SLC1A1: variants seen among roughly 807,000 people sequenced by gnomAD.
SLC1A1 encodes excitatory amino acid transporter 3.
A neutral mutation model predicts 53.3 loss-of-function variants in SLC1A1; 43 were observed. The ratio of observed to expected loss-of-function variants is 0.81; its 90% CI spans 0.63 to 1.04. The LOEUF (loss-of-function observed/expected upper bound fraction) is 1.04. SLC1A1 is among the 50% of genes least tolerant of loss of function. The probability of loss-of-function intolerance (pLI) is 0.00; values close to 1 mark genes in which losing one functional copy is unlikely to be tolerated. For synonymous variants in SLC1A1, 307 were observed against 243.2 expected, an observed-to-expected ratio of 1.26 and a Z score of -2.44; for missense variants, 748 against 664.9, an observed-to-expected ratio of 1.12 and a Z score of -1.37.
chr9:4,566,149 G>GT (rs998543663), intron 5 of SLC1A1, 60 bp downstream of exon 5: 127 of 1,444,352 alleles, frequency 8.8e-5, no homozygotes, highest in Non-Finnish European at 1.2e-4. Context: ...AATTAAAAAT[G>GT]TTTTTTTCTG....
At chr9:4,562,065 CTTTTTT>C (rs745615028) in intron 3 of SLC1A1, among the ~76,000 whole-genome samples, 39 of 94,280 alleles carry the variant, frequency 4.1e-4, no homozygotes, top group African/African-American at 1.3e-3. Context: ...GCCCTAACTA[CTTTTTT>C]TTTTTTTTTT....
intron 1 of SLC1A1, among the ~76,000 whole-genome samples, chr9:4,504,306 G>A (rs1379576707): frequency 3.9e-5 from 6 of 152,112 alleles, no homozygotes; most frequent in African/African-American, 1.4e-4. Context: ...TTTATTTCTG[G>A]ATTTTCCCCC....
rs142226429 is a variant in SLC1A1 at position 4,544,348 on chromosome 9, T to C, written c.92-219T>C. 1.2e-4 allele frequency among the ~76,000 whole-genome samples: 19 copies of C among 152,352 alleles called. 1 individual carries two copies. In the East Asian group the frequency reaches 3.7e-3, roughly 29 times the overall value. On this transcript the variant is annotated intron_variant, in intron 1 of 11. Transcript: ENST00000262352. ...AAGAAATGACAACAAAGCTTTCATG[T>C]ATAGAATACTTTTTACAGATTTACT...
At chr9:4,499,050 C>CTT (rs5896080) in intron 1 of SLC1A1, among the ~76,000 whole-genome samples, 7,144 of 134,960 alleles carry the variant, frequency 0.053, 667 homozygotes, top group African/African-American at 0.18. Flanking sequence ...ATATATATAT[C>CTT]TTTTTTTTTT....
intron 4 of SLC1A1, 58 bp from the exon 5 acceptor site, chr9:4,565,989 G>T (rs1477251689): frequency 8.0e-7 from 1 of 1,257,342 alleles, no homozygotes; most frequent in Non-Finnish European, 1.2e-6. Flanking sequence ...AATATATTAG[G>T]TATGACAAAA....
At chr9:4,527,330 T>G (rs1816298677) in intron 1 of SLC1A1, among the ~76,000 whole-genome samples, 2 of 152,124 alleles carry the variant, frequency 1.3e-5, no homozygotes, top group Admixed American at 1.3e-4. Flanking sequence ...TCCATGGAAA[T>G]TTTGAAATAT....
At chr9:4,500,350 C>G (rs1484492760) in intron 1 of SLC1A1, among the ~76,000 whole-genome samples, 1 of 152,058 alleles carries the variant, frequency 6.6e-6, no homozygotes, top group Non-Finnish European at 1.5e-5. Context: ...ACTCTGTCAC[C>G]CAGGCTGGAG....
chr9:4,576,770 C>A lies in SLC1A1; in HGVS notation c.1193+7C>A. ...GGCAGATCATCACCATCAGGTGGGG[C>A]ATGGTGTCACATTCATTGTCATCAC... is the stretch of plus-strand genomic sequence containing the variant. On this transcript the variant is annotated splice_region_variant and intron_variant, in intron 10 of 11. Coordinates refer to ENST00000262352, the MANE Select transcript of SLC1A1 (RefSeq NM_004170.6). The A allele has an allele frequency of 1.2e-6, 2 of 1,611,280 alleles. No homozygotes were observed. The highest frequency in any genetic ancestry group is 1.7e-6 in the Non-Finnish European group (2 of 1,177,798).
chr9:4,530,141 G>A (rs944393337), intron 1 of SLC1A1, among the ~76,000 whole-genome samples: 1 of 152,078 alleles, frequency 6.6e-6, no homozygotes, highest in African/African-American at 2.4e-5. Flanking sequence ...GAAGGAGGAG[G>A]TTTGTGGAGG....
chr9:4,561,640 T>C, intron 3 of SLC1A1, 99 bp downstream of exon 3: 1 of 809,044 alleles, frequency 1.2e-6, no homozygotes, highest in Non-Finnish European at 2.2e-6. Flanking sequence ...GCCTGTAATC[T>C]CAGAAATCTG....
chr9:4,578,035 C>T (rs188719348), intron 10 of SLC1A1, among the ~76,000 whole-genome samples: 2 of 152,144 alleles, frequency 1.3e-5, no homozygotes. Context: ...AGAACAGGAA[C>T]GAGTGTAAGA....
At position 4,583,043 on chromosome 9, in the gene SLC1A1, C is replaced by T. The variant is rs374759499; in HGVS notation, c.1199C>T (p.Thr400Met). 7.4e-6 allele frequency: 12 copies of T among 1,614,132 alleles called. No individual in the cohort carries two copies. The highest frequency in any genetic ancestry group is 2.2e-5 in the East Asian group (1 of 44,896). ...GIGQIITISI[T>M]ATSASIGAAG... Reference sequence around the variant, plus strand: ...CTGCTGGTATGTTTCTGCAGTATCACGGCCACATCTGCCAGCATCGGAGCT... The same window carrying T: ...CTGCTGGTATGTTTCTGCAGTATCATGGCCACATCTGCCAGCATCGGAGCT... The change falls in exon 11 of 12, where the codon ACG (threonine) becomes ATG (methionine). Residue 400 changes from threonine (T) to methionine (M), a missense_variant. Physicochemically the swap from Thr to Met is moderately conservative, Grantham distance 81. Transcript: ENST00000262352. This position sits in a 1 kb window ranked among gnomAD's most constrained non-coding sequence, Gnocchi z 4.6.
At chr9:4,525,753 T>G (rs1305959650) in intron 1 of SLC1A1, among the ~76,000 whole-genome samples, 1 of 152,030 alleles carries the variant, frequency 6.6e-6, no homozygotes, top group Non-Finnish European at 1.5e-5. Flanking sequence ...GACTGGAAAC[T>G]GCAAAATAGG....
At chr9:4,542,202 G>A (rs369198403) in intron 1 of SLC1A1, among the ~76,000 whole-genome samples, 3 of 151,850 alleles carry the variant, frequency 2.0e-5, no homozygotes, top group Non-Finnish European at 2.9e-5. Flanking sequence ...GAGGGAGGGA[G>A]GAAGGAAGGA....
chr9:4,527,875 A>C (rs1816319582), intron 1 of SLC1A1, among the ~76,000 whole-genome samples: 4 of 152,136 alleles, frequency 2.6e-5, no homozygotes, highest in Admixed American at 2.6e-4. Context: ...AACTTTAGAA[A>C]ATGCAAGAAA....
intron 1 of SLC1A1, among the ~76,000 whole-genome samples, chr9:4,525,704 T>C (rs1816234526): frequency 6.6e-6 from 1 of 152,126 alleles, no homozygotes; most frequent in African/African-American, 2.4e-5. Flanking sequence ...AAAAATTCAG[T>C]GAATGAATTA....
chr9:4,525,930 C>G (rs1282485075), intron 1 of SLC1A1, among the ~76,000 whole-genome samples: 1 of 152,042 alleles, frequency 6.6e-6, no homozygotes, highest in Non-Finnish European at 1.5e-5. Flanking sequence ...TAGAACTAAA[C>G]AAAAGTAAAA....
chr9:4,496,049 C>G (rs950780567), intron 1 of SLC1A1, among the ~76,000 whole-genome samples: 2 of 152,084 alleles, frequency 1.3e-5, no homozygotes, highest in African/African-American at 4.8e-5. Flanking sequence ...GACAGCATGT[C>G]AGGGACCTGG....
At chr9:4,580,725 G>A (rs1821015296) in intron 10 of SLC1A1, among the ~76,000 whole-genome samples, 1 of 150,146 alleles carries the variant, frequency 6.7e-6, no homozygotes, top group South Asian at 2.1e-4. Context: ...AAAAGTAGCA[G>A]TAGTAATAGT....
Sources: gnomAD v4.1 joint callset for allele counts (sites outside exome capture counted in the v4.1 genomes callset) on GRCh38, gnomAD v4.1.1 for gene constraint, Gnocchi (gnomAD v3.1) non-coding constraint, MANE v1.5 for transcripts, NCBI Gene and HGNC (gene_info 2026-07-23, HGNC 2026-07-21) for gene names.